Variants in ASB13 observed in about 807,000 individuals in gnomAD.
The protein encoded by ASB13 is ankyrin repeat and SOCS box protein 13.
A neutral mutation model predicts 28.8 loss-of-function variants in ASB13; 33 were observed. The observed-to-expected ratio is 1.15, with a 90% CI of 0.87 to 1.53. ASB13 has a LOEUF of 1.53. Ranked by LOEUF, ASB13 falls within the 40% of genes most tolerant of loss-of-function variation. The probability of loss-of-function intolerance (pLI) is 0.00; values close to 1 mark genes in which losing one functional copy is unlikely to be tolerated. For synonymous variants in ASB13, 182 were observed against 172.9 expected (o/e 1.05, Z -0.41); for missense variants, 414 against 390.1 (o/e 1.06, Z -0.52).
Position 5,652,876 on chromosome 10 carries a change from G to T in ASB13, c.218C>A (p.Ala73Glu), listed in dbSNP as rs369349880. ...GQARCVQLLLAAGAQVDARNI... is the reference protein window; with the variant it reads ...GQARCVQLLLEAGAQVDARNI... ...AGGGCCACTCACCTGGGCCCCAGCC[G>T]CCAGCAGCAGCTGCACACACCGCGC... Residue 73 changes from alanine (A) to glutamate (E), a missense_variant, in exon 2 of 6, where the codon GCG becomes GAG. Ala to Glu is a moderately radical substitution (Grantham distance 107, BLOSUM62 -1). Transcript: ENST00000357700. This position sits in a 1 kb window ranked among gnomAD's most constrained non-coding sequence, Gnocchi z 5.0. 2.6e-5 allele frequency: 41 copies of T among 1,551,088 alleles called. No homozygotes were observed. The highest frequency in any genetic ancestry group is 4.4e-6 in the Non-Finnish European group (5 of 1,146,808).
At position 5,652,024 on chromosome 10, in the gene ASB13, AACC is replaced by A. The variant is rs1213413696; in HGVS notation, c.232-664_232-662del. On this transcript the variant is annotated intron_variant, in intron 2 of 5. Transcript: ENST00000357700. This position sits in a 1 kb window ranked among gnomAD's most constrained non-coding sequence, Gnocchi z 5.0. ...CTCAAAAAAAAAAAAAAAAAAAAAA[AACC>A]ACACACACACACACACACACACACA... Among the ~76,000 whole-genome samples the A allele has an allele frequency of 6.3e-5, 2 of 31,688 alleles. No homozygotes were observed. Among genetic ancestry groups the A allele is most frequent in the Non-Finnish European group, 1.2e-4 (2 of 16,958 alleles). 20.8% of individuals were successfully genotyped at this position (31,688 alleles called of 152,430 possible).
In ASB13 at chr10:5,661,454, A is replaced by C. The variant is rs1028109908; in HGVS notation, c.43+5055T>G. On this transcript the variant is annotated intron_variant, in intron 1 of 5. Coordinates refer to ENST00000357700, the MANE Select transcript of ASB13 (RefSeq NM_024701.4). The surrounding 1 kb of genome is among the most constrained non-coding windows in gnomAD (Gnocchi z 4.9). ...AGCATGCTGGCTTTGAATCCAGGTC[A>C]AATACCCAAGATGCACCTTTTTTCC... 2.6e-5 allele frequency among the ~76,000 whole-genome samples: 4 copies of C among 152,200 alleles called. No individual in the cohort carries two copies. Among genetic ancestry groups the C allele is most frequent in the Non-Finnish European group, 5.9e-5 (4 of 68,022 alleles).
chr10:5,646,853 T>C (rs1193132148), intron 4 of ASB13, among the ~76,000 whole-genome samples: 7 of 152,190 alleles, frequency 4.6e-5, no homozygotes. Context: ...ATGAACGCAC[T>C]GCGCTGTGTT....
At chr10:5,643,934 G>A (rs996963458) in intron 4 of ASB13, among the ~76,000 whole-genome samples, 3 of 152,232 alleles carry the variant, frequency 2.0e-5, no homozygotes, top group South Asian at 2.1e-4. Flanking sequence ...TCCCTGCCAC[G>A]CTCCACAGAC....
chr10:5,648,571 C>CAAACACCCACGCAGGT (rs1564217026), intron 4 of ASB13, among the ~76,000 whole-genome samples: 1 of 78,716 alleles, frequency 1.3e-5, no homozygotes, highest in Non-Finnish European at 2.2e-5. Flanking sequence ...CCCACGCAGG[C>CAAACACCCACGCAGGT]AAACACCCAC....
In ASB13 at chr10:5,651,203, G is replaced by A; in HGVS notation, c.382+10C>T. On this transcript the variant is annotated intron_variant, in intron 3 of 5. Transcript: ENST00000357700. This position sits in a 1 kb window ranked among gnomAD's most constrained non-coding sequence, Gnocchi z 5.1. ...CCCAGCTGGGCCAGCCCAGCCGTCT[G>A]CCAACTCACCGCTCATGCAGGCCTC... The A allele has an allele frequency of 6.3e-7, 1 of 1,595,870 alleles. No individual in the cohort carries two copies. Among genetic ancestry groups the A allele is most frequent in the Non-Finnish European group, 8.5e-7 (1 of 1,170,734 alleles).
Position 5,659,919 on chromosome 10 carries a change from G to C in ASB13, c.43+6590C>G, listed in dbSNP as rs1835133876. 2.0e-5 allele frequency among the ~76,000 whole-genome samples: 3 copies of C among 152,214 alleles called. No homozygotes were observed. Among genetic ancestry groups the C allele is most frequent in the Non-Finnish European group, 4.4e-5 (3 of 68,050 alleles). On this transcript the variant is annotated intron_variant, in intron 1 of 5. Transcript: ENST00000357700. The surrounding 1 kb of genome is among the most constrained non-coding windows in gnomAD (Gnocchi z 5.8). The stretch of plus-strand genomic sequence containing the variant: ...TTTCCAGCCCAGGACAGTGGCCTGA[G>C]ACCTAACATGATGCTTGCACACTCT...
rs532641391 is a variant in ASB13 at position 5,661,941 on chromosome 10, C to T, written c.43+4568G>A. Reference sequence around the variant, plus strand: ...TCTGTAAGAAGCCCTCCCTGCAAAACCCCAGTAAGCATTCTTGAAATGGTG... The same window carrying T: ...TCTGTAAGAAGCCCTCCCTGCAAAATCCCAGTAAGCATTCTTGAAATGGTG... On this transcript the variant is annotated intron_variant, in intron 1 of 5. Transcript: ENST00000357700. The surrounding 1 kb of genome is among the most constrained non-coding windows in gnomAD (Gnocchi z 4.9). Among the ~76,000 whole-genome samples the T allele has an allele frequency of 6.6e-6, 1 of 152,298 alleles. No homozygotes were observed. Among genetic ancestry groups the T allele is most frequent in the African/African-American group, 2.4e-5 (1 of 41,568 alleles).
chr10:5,666,064 C>A (rs1206302193), intron 1 of ASB13, among the ~76,000 whole-genome samples: 8 of 152,194 alleles, frequency 5.3e-5, no homozygotes, highest in Non-Finnish European at 4.4e-5. Context: ...TCGGACACTG[C>A]GCCACGGCCT....
At position 5,650,426 on chromosome 10, in the gene ASB13, CA is replaced by C. The variant is rs35625907; in HGVS notation, c.382+786del. Among the ~76,000 whole-genome samples the C allele has an allele frequency of 0.013, 1,989 of 152,320 alleles. 30 individuals carry two copies. Among genetic ancestry groups the C allele is most frequent in the South Asian group, 0.073 (351 of 4,826 alleles). On this transcript the variant is annotated intron_variant, in intron 3 of 5. Coordinates refer to ENST00000357700, the MANE Select transcript of ASB13 (RefSeq NM_024701.4). This position sits in a 1 kb window ranked among gnomAD's most constrained non-coding sequence, Gnocchi z 6.0. The stretch of plus-strand genomic sequence containing the variant: ...CATGGAAAGACCTACGAGCAGGAAT[CA>C]GGGGTGAGCCACATGCAGCCATGGC...
rs575048295 is a variant in ASB13 at position 5,645,981 on chromosome 10, A to T, written c.517+2989T>A. On this transcript the variant is annotated intron_variant, in intron 4 of 5. Transcript: ENST00000357700. This position sits in a 1 kb window ranked among gnomAD's most constrained non-coding sequence, Gnocchi z 5.4. The stretch of plus-strand genomic sequence containing the variant: ...TCCATCTGCTCTCACAAGGGGTACT[A>T]GAGGAGACCACCCAAGAGTAGGATG... Among the ~76,000 whole-genome samples the T allele has an allele frequency of 2.0e-5, 3 of 152,346 alleles. No homozygotes were observed. Among genetic ancestry groups the T allele is most frequent in the African/African-American group, 7.2e-5 (3 of 41,584 alleles).
chr10:5,658,952 C>G lies in ASB13; in HGVS notation c.44-5902G>C, dbSNP rs2386645. Among the ~76,000 whole-genome samples, 54,106 of 152,028 alleles carry G rather than the reference C, an allele frequency of 0.36. 9,982 individuals carry two copies. The highest frequency in any genetic ancestry group is 0.5 in the East Asian group (2,555 of 5,156). ...CGAAGAGACCCACTCTCTTCATAAA[C>G]ATCAGCCCCCAGCACCCACCACCAC... On this transcript the variant is annotated intron_variant, in intron 1 of 5. Coordinates refer to ENST00000357700, the MANE Select transcript of ASB13 (RefSeq NM_024701.4). The surrounding 1 kb of genome is among the most constrained non-coding windows in gnomAD (Gnocchi z 4.2).
rs1255284248 is a variant in ASB13 at position 5,660,782 on chromosome 10, C to T, written c.43+5727G>A. ...ATCTTGCATTCCAGCTCCAGTAACT[C>T]AATCCTTACCTAAGTCGGGTGACTG... is the stretch of plus-strand genomic sequence containing the variant. On this transcript the variant is annotated intron_variant, in intron 1 of 5. Transcript: ENST00000357700. The surrounding 1 kb of genome is among the most constrained non-coding windows in gnomAD (Gnocchi z 6.1). Among the ~76,000 whole-genome samples, 1 of 152,186 alleles carries T rather than the reference C, an allele frequency of 6.6e-6. No homozygotes were observed. Among genetic ancestry groups the T allele is most frequent in the African/African-American group, 2.4e-5 (1 of 41,440 alleles).
chr10:5,657,050 T>A (rs1357688953), intron 1 of ASB13, among the ~76,000 whole-genome samples: 1 of 152,160 alleles, frequency 6.6e-6, no homozygotes, highest in Non-Finnish European at 1.5e-5. Flanking sequence ...ACATAAAATT[T>A]TTAAAAGAAA....
In ASB13 at chr10:5,651,224, G is replaced by A. The variant is rs139621358; in HGVS notation, c.371C>T (p.Ala124Val). The change falls in exon 3 of 6, where the codon GCC (alanine) becomes GTC (valine). Residue 124 changes from alanine to valine, a missense_variant. Physicochemically the swap from Ala to Val is moderately conservative, Grantham distance 64. Coordinates refer to ENST00000357700, the MANE Select transcript of ASB13 (RefSeq NM_024701.4). The surrounding 1 kb of genome is among the most constrained non-coding windows in gnomAD (Gnocchi z 5.1). ...PLYTASPLHE[A>V]CMSGSSECVR... ...GTCTGCCAACTCACCGCTCATGCAG[G>A]CCTCGTGCAGGGGGGACGCTGTGTA... 67 of 1,609,064 alleles carry A rather than the reference G, an allele frequency of 4.2e-5. No homozygotes were observed. The highest frequency in any genetic ancestry group is 5.4e-5 in the Non-Finnish European group (63 of 1,177,558).
At position 5,664,406 on chromosome 10, in the gene ASB13, C is replaced by T. The variant is rs1389348382; in HGVS notation, c.43+2103G>A. On this transcript the variant is annotated intron_variant, in intron 1 of 5. Transcript: ENST00000357700. The surrounding 1 kb of genome is among the most constrained non-coding windows in gnomAD (Gnocchi z 4.2). Reference sequence around the variant, plus strand: ...GGGATTAGGCATGGAGAACACCGAACCCACAGGTAAACAAAAAGAACACCC... The same window carrying T: ...GGGATTAGGCATGGAGAACACCGAATCCACAGGTAAACAAAAAGAACACCC... Among the ~76,000 whole-genome samples the T allele has an allele frequency of 6.6e-6, 1 of 152,100 alleles. No individual in the cohort carries two copies. Among genetic ancestry groups the T allele is most frequent in the African/African-American group, 2.4e-5 (1 of 41,392 alleles).
At chr10:5,662,316 C>T (rs1241779121) in intron 1 of ASB13, among the ~76,000 whole-genome samples, 3 of 151,722 alleles carry the variant, frequency 2.0e-5, no homozygotes, top group Non-Finnish European at 2.9e-5. Flanking sequence ...GTCAAGAGTT[C>T]GAGATCAGCC....
intron 1 of ASB13, among the ~76,000 whole-genome samples, chr10:5,654,887 A>T (rs889695232): frequency 2.0e-5 from 3 of 152,136 alleles, no homozygotes; most frequent in African/African-American, 7.2e-5. Context: ...ACTTGAGGTC[A>T]GGAGTTCGAA....
In ASB13 at chr10:5,639,658, C is replaced by A. The variant is rs1433860967; in HGVS notation, c.*1045G>T. 3.8e-4 allele frequency: 1 copy of A among 2,614 alleles called. No homozygotes were observed. The highest frequency in any genetic ancestry group is 1.3e-3 in the Non-Finnish European group (1 of 760). The allele number at this position is 2,614 out of a possible 1,614,324, so 0.2% of individuals were successfully genotyped here. ...GGGATTGCAAGATTTTCTTATCCTGCCTTGGCTGCAGAGTCCCATTCCCGT... is the reference window on the plus strand; with the variant it reads ...GGGATTGCAAGATTTTCTTATCCTGACTTGGCTGCAGAGTCCCATTCCCGT... On this transcript the variant is annotated 3_prime_UTR_variant, in exon 6 of 6. Coordinates refer to ENST00000357700, the MANE Select transcript of ASB13 (RefSeq NM_024701.4).
Sources: allele counts gnomAD v4.1 joint callset (sites outside exome capture counted in the v4.1 genomes callset), GRCh38; gene constraint gnomAD v4.1.1; non-coding constraint Gnocchi (gnomAD v3.1); transcripts MANE v1.5; gene names NCBI Gene and HGNC (gene_info 2026-07-23, HGNC 2026-07-21).